Variants in ZPBP observed in about 807,000 individuals in gnomAD.
The protein encoded by ZPBP is zona pellucida-binding protein 1.
A neutral mutation model predicts 44.8 loss-of-function variants in ZPBP; 26 were observed. The observed-to-expected ratio is 0.58, with a 90% confidence interval of 0.43 to 0.81. The LOEUF (loss-of-function observed/expected upper bound fraction) is 0.81. Among genes scored for constraint, ZPBP ranks in the 30% least tolerant of loss-of-function variants. ZPBP has a pLI of 0.00. For missense variants in ZPBP, 409 were observed against 434.0 expected (o/e 0.94, Z 0.51); for synonymous variants, 174 against 153.2 (o/e 1.14, Z -1.00).
intron 1 of ZPBP, among the ~76,000 whole-genome samples, chr7:49,905,782 G>A (rs934942021): frequency 2.0e-5 from 3 of 148,060 alleles, no homozygotes; most frequent in Non-Finnish European, 4.5e-5. Flanking sequence ...GAAAGAGGTC[G>A]GCTCAAGAAA....
At chr7:49,944,947 AT>A (rs1795039634) in intron 7 of ZPBP, among the ~76,000 whole-genome samples, 1 of 151,876 alleles carries the variant, frequency 6.6e-6, no homozygotes, top group South Asian at 2.1e-4. Flanking sequence ...TAGGTTGCTA[AT>A]TTGAAGTTTT....
chr7:49,860,849 G>T (rs1790621867), intron 2 of ZPBP, among the ~76,000 whole-genome samples: 1 of 152,220 alleles, frequency 6.6e-6, no homozygotes, highest in Non-Finnish European at 1.5e-5. Flanking sequence ...AAAAGGCCAT[G>T]TGAGGCCACA....
chr7:49,949,294 T>C (rs1017449985), intron 7 of ZPBP, among the ~76,000 whole-genome samples: 1 of 152,148 alleles, frequency 6.6e-6, no homozygotes, highest in Non-Finnish European at 1.5e-5. Flanking sequence ...AGTATATATC[T>C]AAAATAACTG....
intron 2 of ZPBP, among the ~76,000 whole-genome samples, chr7:49,853,763 G>A (rs1249390611): frequency 2.0e-5 from 3 of 151,586 alleles, no homozygotes; most frequent in Non-Finnish European, 2.9e-5. Context: ...TGTGCACAAC[G>A]TGCAGGTTTG....
At chr7:50,041,810 G>A (rs1800109596) in intron 4 of ZPBP, among the ~76,000 whole-genome samples, 1 of 152,116 alleles carries the variant, frequency 6.6e-6, no homozygotes, top group African/African-American at 2.4e-5. Context: ...GAACAAAACT[G>A]GACAGAGAAT....
chr7:49,931,963 G>GC (rs1794461799), intron 1 of ZPBP, among the ~76,000 whole-genome samples: 4 of 152,242 alleles, frequency 2.6e-5, no homozygotes, highest in Admixed American at 2.6e-4. Context: ...GAGGGAAGAA[G>GC]CCCCAAGCCT....
At chr7:50,071,708 A>C (rs1173701780) in intron 3 of ZPBP, among the ~76,000 whole-genome samples, 2 of 152,124 alleles carry the variant, frequency 1.3e-5, no homozygotes, top group African/African-American at 4.8e-5. Flanking sequence ...CACTGGTCAG[A>C]GTTGTGATGT....
exon 2 of ZPBP, chr7:49,901,172 C>T (rs1792704526): frequency 6.6e-6 from 1 of 151,884 alleles, no homozygotes; most frequent in Non-Finnish European, 1.5e-5. Context: ...AAGGCTGTCT[C>T]CTTTCTTCAT....
chr7:50,016,639 A>T (rs917863918), intron 6 of ZPBP, among the ~76,000 whole-genome samples: 3 of 152,170 alleles, frequency 2.0e-5, no homozygotes, highest in African/African-American at 7.2e-5. Flanking sequence ...AATGGGTCAG[A>T]TTCCTTCCCC....
At chr7:49,923,033 A>G (rs1794088064) in intron 1 of ZPBP, among the ~76,000 whole-genome samples, 1 of 152,266 alleles carries the variant, frequency 6.6e-6, no homozygotes, top group Non-Finnish European at 1.5e-5. Context: ...TTAACAGATT[A>G]GAAACAACTT....
rs566026760 is a variant in ZPBP at position 50,020,645 on chromosome 7, G to A, written c.707-2329C>T. ...AATCACCTAGCTTTTTGTAAGATAA[G>A]TTTTCTACAAGATTAAAAAATAAAG... On this transcript the variant is annotated intron_variant, in intron 5 of 7. Coordinates refer to ENST00000046087, the MANE Select transcript of ZPBP (RefSeq NM_007009.3). 8.1e-4 allele frequency among the ~76,000 whole-genome samples: 123 copies of A among 152,072 alleles called. 1 individual carries two copies. The highest frequency in any genetic ancestry group is 6.8e-3 in the Middle Eastern group (2 of 294).
intron 5 of ZPBP, among the ~76,000 whole-genome samples, chr7:50,023,612 A>C (rs970855407): frequency 6.6e-6 from 1 of 152,018 alleles, no homozygotes; most frequent in Non-Finnish European, 1.5e-5. Context: ...CAAAAATGGA[A>C]AACATACTAA....
chr7:50,078,376 T>C (rs1463957352), intron 3 of ZPBP, among the ~76,000 whole-genome samples: 2 of 151,544 alleles, frequency 1.3e-5, no homozygotes, highest in African/African-American at 2.4e-5. Context: ...TTGCATATAT[T>C]AAAATAACTT....
intron 2 of ZPBP, among the ~76,000 whole-genome samples, chr7:49,897,138 A>G (rs10236247): frequency 6.6e-6 from 1 of 150,688 alleles, no homozygotes; most frequent in Non-Finnish European, 1.5e-5. Context: ...CTCATGATCC[A>G]CCCGCCTCGG....
chr7:49,986,462 C>A (rs1797286007), intron 6 of ZPBP, among the ~76,000 whole-genome samples: 1 of 152,156 alleles, frequency 6.6e-6, no homozygotes, highest in African/African-American at 2.4e-5. Context: ...GGCCAGCATT[C>A]CCTGCCACGT....
At chr7:49,962,623 A>C (rs551045739) in intron 7 of ZPBP, among the ~76,000 whole-genome samples, 51 of 152,028 alleles carry the variant, frequency 3.4e-4, no homozygotes, top group African/African-American at 1.2e-3. Flanking sequence ...TTCTAAATAC[A>C]ATAGTCTCAT....
downstream of ZPBP, chr7:49,935,629 C>G (rs919280609): frequency 2.6e-5 from 4 of 152,290 alleles, no homozygotes; most frequent in African/African-American, 9.7e-5. Context: ...GAACTCCTGA[C>G]CTTGTGATCC....
At chr7:49,992,443 A>G (rs1797613902) in intron 6 of ZPBP, among the ~76,000 whole-genome samples, 1 of 152,188 alleles carries the variant, frequency 6.6e-6, no homozygotes, top group Non-Finnish European at 1.5e-5. Context: ...CACATAATGA[A>G]TGGAGTGAAA....
chr7:50,090,549 GCATA>G (rs1387391699), intron 1 of ZPBP, among the ~76,000 whole-genome samples: 2 of 150,564 alleles, frequency 1.3e-5, no homozygotes, highest in African/African-American at 4.9e-5. Context: ...ATATATGTGT[GCATA>G]TATATGCATA....
Sources: allele counts gnomAD v4.1 joint callset (sites outside exome capture counted in the v4.1 genomes callset), GRCh38; gene constraint gnomAD v4.1.1; transcripts MANE v1.5; gene names NCBI Gene and HGNC (gene_info 2026-07-23, HGNC 2026-07-21).